Variants in ECHDC1 observed in about 807,000 individuals in gnomAD.
ECHDC1 encodes the protein ethylmalonyl-CoA decarboxylase 1.
ECHDC1 carries 29 observed loss-of-function variants against 29.7 expected under a neutral mutation model. The ratio of observed to expected loss-of-function variants is 0.98; its 90% CI spans 0.73 to 1.33. The LOEUF is 1.33. ECHDC1 is among the 40% of genes most tolerant of loss of function. The pLI, the probability that ECHDC1 is intolerant of heterozygous loss-of-function variation, is 0.00. For missense variants in ECHDC1, 328 were observed against 350.0 expected, an observed-to-expected ratio of 0.94 and a Z score of 0.50; for synonymous variants, 126 against 123.1, an observed-to-expected ratio of 1.02 and a Z score of -0.15.
intron 5 of ECHDC1, among the ~76,000 whole-genome samples, chr6:127,311,669 CAAAAAAAAAAAA>C (rs71272311): frequency 6.4e-4 from 16 of 25,028 alleles, no homozygotes; most frequent in African/African-American, 8.4e-4. Flanking sequence ...GGCTCTGTCT[CAAAAAAAAAAAA>C]AAAAAAAAAA....
At chr6:127,315,885 G>A (rs1432958053) in intron 4 of ECHDC1, 1 of 452,088 alleles carries the variant, frequency 2.2e-6, no homozygotes, top group Non-Finnish European at 4.6e-6. Context: ...GAATGTGAAA[G>A]TAGAAAGCTA....
chr6:127,302,732 C>T (rs1002789559), intron 5 of ECHDC1, among the ~76,000 whole-genome samples: 83 of 151,958 alleles, frequency 5.5e-4, no homozygotes, highest in African/African-American at 1.8e-3. Context: ...CTTAGATGTA[C>T]GTTTTATATT....
chr6:127,291,276 C>CT (rs57066162), intron 5 of ECHDC1, among the ~76,000 whole-genome samples: 38,365 of 133,136 alleles, frequency 0.29, 6,169 homozygotes, highest in African/African-American at 0.42. Flanking sequence ...GCTCTTATAC[C>CT]TTTTTTTTTT....
rs1782390752 is a variant in ECHDC1 at position 127,316,486 on chromosome 6, C to T, written c.380G>A (p.Cys127Tyr). 1 of 1,604,018 alleles carries T rather than the reference C, an allele frequency of 6.2e-7. No individual in the cohort carries two copies. Among genetic ancestry groups the T allele is most frequent in the Non-Finnish European group, 8.5e-7 (1 of 1,175,776 alleles). The change falls in exon 4 of 6, where the codon TGC (cysteine) becomes TAC (tyrosine). Residue 127 changes from cysteine (C) to tyrosine (Y), a missense_variant. Transcript: ENST00000454859. ...LGTPEDGMAV[C>Y]MFMQNTLTRF... Reference sequence around the variant, plus strand: ...TGTTAAGGTGTTTTGCATGAACATGCATACGGCCATTCCATCCTTTAAATA... The same window carrying T: ...TGTTAAGGTGTTTTGCATGAACATGTATACGGCCATTCCATCCTTTAAATA...
chr6:127,307,380 C>T (rs1303041385), intron 5 of ECHDC1, among the ~76,000 whole-genome samples: 1 of 151,936 alleles, frequency 6.6e-6, no homozygotes, highest in Non-Finnish European at 1.5e-5. Context: ...CCTGTAATCC[C>T]AACACTTTGG....
chr6:127,329,457 T>C (rs927281850), intron 2 of ECHDC1, among the ~76,000 whole-genome samples: 2 of 152,220 alleles, frequency 1.3e-5, no homozygotes, highest in Non-Finnish European at 2.9e-5. Flanking sequence ...CTAGAGAAAT[T>C]TTACCTTTCA....
At chr6:127,326,747 T>C in intron 3 of ECHDC1, 2 of 423,116 alleles carry the variant, frequency 4.7e-6, no homozygotes, top group South Asian at 6.5e-5. Context: ...AGTGTTCTGC[T>C]AAACTAGAAA....
chr6:127,290,312 C>T (rs200430525), intron 5 of ECHDC1, 35 bp from the exon 6 acceptor site: 18 of 1,581,622 alleles, frequency 1.1e-5, no homozygotes, highest in Admixed American at 1.8e-5. Context: ...AATTGTAACT[C>T]TCTCTGTATG....
chr6:127,341,153 T>C (rs915215656), intron 1 of ECHDC1, among the ~76,000 whole-genome samples: 1 of 152,192 alleles, frequency 6.6e-6, no homozygotes, highest in Non-Finnish European at 1.5e-5. Context: ...TCTCATTCTA[T>C]TCCCTCCCAC....
At chr6:127,305,192 C>G (rs1334719511) in intron 5 of ECHDC1, among the ~76,000 whole-genome samples, 2 of 152,100 alleles carry the variant, frequency 1.3e-5, no homozygotes, top group Non-Finnish European at 2.9e-5. Context: ...AGAAAAGAAA[C>G]AACACACAAT....
intron 5 of ECHDC1, among the ~76,000 whole-genome samples, chr6:127,292,693 A>G (rs955554459): frequency 1.3e-5 from 2 of 152,062 alleles, no homozygotes; most frequent in Non-Finnish European, 2.9e-5. Context: ...TAAGAAGGAC[A>G]TTATTATATT....
chr6:127,314,909 G>GA lies in ECHDC1; in HGVS notation c.417-14dup, dbSNP rs763358235. The GA allele has an allele frequency of 1.2e-4, 188 of 1,603,644 alleles. No individual in the cohort carries two copies. Among genetic ancestry groups the GA allele is most frequent in the South Asian group, 7.5e-4 (67 of 89,812 alleles). On this transcript the variant is annotated splice_polypyrimidine_tract_variant and intron_variant, in intron 4 of 5. Coordinates refer to ENST00000454859, the MANE Select transcript of ECHDC1 (RefSeq NM_001002030.2). Reference sequence around the variant, plus strand: ...TATTAAAGGAAGTCTGTATATTGAAGAAAAAACTGATGTTACTATTTTTAA... The same window carrying GA: ...TATTAAAGGAAGTCTGTATATTGAAGAAAAAAACTGATGTTACTATTTTTAA...
rs117349348 is a variant in ECHDC1 at position 127,309,920 on chromosome 6, G to A, written c.497+4896C>T. Among the ~76,000 whole-genome samples the A allele has an allele frequency of 4.1e-4, 63 of 152,236 alleles. No homozygotes were observed. In the East Asian group the frequency reaches 0.011, roughly 27 times the overall value. On this transcript the variant is annotated intron_variant, in intron 5 of 5. Transcript: ENST00000454859. ...AACTTACGCACTTATCATGAGAAGA[G>A]CAAGGGGGAAGTCTGCCCCCATGAT...
At chr6:127,325,160 A>C (rs1230081553) in intron 3 of ECHDC1, among the ~76,000 whole-genome samples, 1 of 152,244 alleles carries the variant, frequency 6.6e-6, no homozygotes, top group African/African-American at 2.4e-5. Context: ...TCTTTCTCTC[A>C]GAATCCCATA....
chr6:127,292,371 A>T (rs1780265494), intron 5 of ECHDC1, among the ~76,000 whole-genome samples: 1 of 152,032 alleles, frequency 6.6e-6, no homozygotes, highest in Non-Finnish European at 1.5e-5. Context: ...GCCTTATTTT[A>T]TAAGGTAAAG....
intron 1 of ECHDC1, chr6:127,342,441 C>A: frequency 6.7e-7 from 1 of 1,493,522 alleles, no homozygotes. Context: ...ATTATACAGT[C>A]GCCTTTCAGG....
chr6:127,327,546 G>A (rs1004143304), intron 2 of ECHDC1, among the ~76,000 whole-genome samples: 3 of 152,120 alleles, frequency 2.0e-5, no homozygotes, highest in African/African-American at 7.2e-5. Flanking sequence ...AGCTTTATGG[G>A]TATAACATGA....
At chr6:127,319,086 G>A (rs1737634797) in intron 3 of ECHDC1, among the ~76,000 whole-genome samples, 1 of 152,182 alleles carries the variant, frequency 6.6e-6, no homozygotes, top group African/African-American at 2.4e-5. Flanking sequence ...AGAAATAAAG[G>A]TGAAGCAAAT....
intron 5 of ECHDC1, among the ~76,000 whole-genome samples, chr6:127,299,031 A>G (rs1407324550): frequency 7.9e-6 from 1 of 126,602 alleles, no homozygotes; most frequent in African/African-American, 3.0e-5. Context: ...GTGTGCCACC[A>G]TGCCTGGCTA....
Sources: gnomAD v4.1 joint callset for allele counts (sites outside exome capture counted in the v4.1 genomes callset) on GRCh38, gnomAD v4.1.1 for gene constraint, MANE v1.5 for transcripts, NCBI Gene and HGNC (gene_info 2026-07-23, HGNC 2026-07-21) for gene names.